The following RBM33 variants were observed in gnomAD, a reference collection of about 807,000 sequenced individuals.
RBM33 encodes RNA binding motif protein 33.
Under a neutral mutation model 132.6 loss-of-function variants are expected in RBM33, and 28 were observed. The ratio of observed to expected loss-of-function variants is 0.21; its 90% CI spans 0.16 to 0.29. The LOEUF is 0.29. Ranked by LOEUF, RBM33 falls within the 10% of genes least tolerant of loss-of-function variation. The pLI, the probability that RBM33 is intolerant of heterozygous loss-of-function variation, is 1.00. For missense variants in RBM33, 1,291 were observed against 1,518.5 expected (o/e 0.85, Z 2.49); for synonymous variants, 634 against 593.0 (o/e 1.07, Z -1.01).
At chr7:155,650,536 A>G (rs1163524099) in intron 1 of RBM33, among the ~76,000 whole-genome samples, 1 of 150,450 alleles carries the variant, frequency 6.6e-6, no homozygotes, top group Admixed American at 6.6e-5. Flanking sequence ...CATAAGGGAG[A>G]CTGACTTACT....
chr7:155,742,718 G>T (rs1346302696), intron 13 of RBM33, among the ~76,000 whole-genome samples: 2 of 152,224 alleles, frequency 1.3e-5, no homozygotes, highest in Non-Finnish European at 2.9e-5. Flanking sequence ...TGTTGCTGTT[G>T]TTCCTAATTT....
chr7:155,673,945 T>TGTTTTTTTTTTTTTG (rs1563138321), intron 3 of RBM33, among the ~76,000 whole-genome samples: 1 of 88,482 alleles, frequency 1.1e-5, no homozygotes, highest in Non-Finnish European at 2.2e-5. Flanking sequence ...GCTTAGTTTT[T>TGTTTTTTTTTTTTTG]TTTTTTTTTT....
In RBM33 at chr7:155,745,524, C is replaced by T. The variant is rs201397408; in HGVS notation, c.2901C>T (p.Val967=). 5 of 1,612,694 alleles carry T rather than the reference C, an allele frequency of 3.1e-6. No homozygotes were observed. The highest frequency in any genetic ancestry group is 3.4e-6 in the Non-Finnish European group (4 of 1,179,444). ...CAAAGCCTGGCGTGAAAAGGACTGT[C>T]ACGCACAGGACAAACAGTGGTGGTG... is the stretch of plus-strand genomic sequence containing the variant. ...QDTKPGVKRT[V]THRTNSGGGD... Residue 967 remains valine, a synonymous_variant, in exon 14 of 18, where the codon GTC becomes GTT. Coordinates refer to ENST00000401878, the MANE Select transcript of RBM33 (RefSeq NM_053043.3). This position sits in a 1 kb window ranked among gnomAD's most constrained non-coding sequence, Gnocchi z 4.1.
chr7:155,676,651 G>T (rs577508178), intron 3 of RBM33, among the ~76,000 whole-genome samples: 1 of 152,152 alleles, frequency 6.6e-6, no homozygotes, highest in Non-Finnish European at 1.5e-5. Flanking sequence ...CATCTCTTGG[G>T]ATCTGTGGCC....
chr7:155,727,169 A>T (rs1255664299), intron 9 of RBM33, among the ~76,000 whole-genome samples: 1 of 152,110 alleles, frequency 6.6e-6, no homozygotes, highest in Non-Finnish European at 1.5e-5. Context: ...TTTTCCATCT[A>T]CCCATCACCT....
At chr7:155,741,361 T>C (rs1362054260) in intron 12 of RBM33, among the ~76,000 whole-genome samples, 1 of 152,226 alleles carries the variant, frequency 6.6e-6, no homozygotes, top group South Asian at 2.1e-4. Context: ...CCGGGGGTCA[T>C]GTTTCTTAGG....
At chr7:155,741,514 C>T (rs954344829) in intron 12 of RBM33, among the ~76,000 whole-genome samples, 15 of 152,126 alleles carry the variant, frequency 9.9e-5, no homozygotes, top group Non-Finnish European at 2.1e-4. Flanking sequence ...AACTGTCAGT[C>T]CCTTTACTGA....
intron 14 of RBM33, among the ~76,000 whole-genome samples, chr7:155,753,547 G>A (rs13222019): frequency 0.18 from 26,744 of 152,148 alleles, 2,405 homozygotes; most frequent in East Asian, 0.28. Context: ...TGGATGAGTA[G>A]CAGAGCTAAG....
At chr7:155,686,046 G>A (rs1042900894) in intron 5 of RBM33, among the ~76,000 whole-genome samples, 3 of 152,086 alleles carry the variant, frequency 2.0e-5, no homozygotes, top group African/African-American at 2.4e-5. Context: ...AACTAAATTT[G>A]ATTTTGTGTG....
Position 155,673,940 on chromosome 7 carries a change from G to GTTGTTGTTTTTTTTTTGTTTTTTTTTTTT in RBM33, c.171+1027_171+1028insGTTGTTTTTTTTTTGTTTTTTTTTTTTTT. ...TCATTATCAAGATAGTTTAGGCTTA[G>GTTGTTGTTTTTTTTTTGTTTTTTTTTTTT]TTTTTTTTTTTTTTTTTTTTTTTTT... On this transcript the variant is annotated intron_variant, in intron 3 of 17. Coordinates refer to ENST00000401878, the MANE Select transcript of RBM33 (RefSeq NM_053043.3). 4.8e-4 allele frequency among the ~76,000 whole-genome samples: 26 copies of GTTGTTGTTTTTTTTTTGTTTTTTTTTTTT among 54,196 alleles called. 2 individuals are homozygous for GTTGTTGTTTTTTTTTTGTTTTTTTTTTTT. Among genetic ancestry groups the GTTGTTGTTTTTTTTTTGTTTTTTTTTTTT allele is most frequent in the African/African-American group, 2.0e-3 (24 of 12,126 alleles). 35.6% of individuals were successfully genotyped at this position (54,196 alleles called of 152,430 possible). A position where few individuals can be genotyped will look rare whatever the true frequency, so the allele number is the denominator to read the frequency against.
At position 155,778,161 on chromosome 7, in the gene RBM33, C is replaced by A. The variant is rs1044226075; in HGVS notation, c.*3120C>A. 6.6e-6 allele frequency: 1 copy of A among 152,628 alleles called. No individual in the cohort carries two copies. The highest frequency in any genetic ancestry group is 2.4e-5 in the African/African-American group (1 of 41,450). 9.5% of individuals were successfully genotyped at this position (152,628 alleles called of 1,614,324 possible). On this transcript the variant is annotated 3_prime_UTR_variant, in exon 18 of 18. Transcript: ENST00000401878. This position sits in a 1 kb window ranked among gnomAD's most constrained non-coding sequence, Gnocchi z 4.0. Reference sequence around the variant, plus strand: ...GCCTCCGTAGGCACCCGCACCCTGCCTTGCTGGAGGAGATGGGATGGGGCG... The same window carrying A: ...GCCTCCGTAGGCACCCGCACCCTGCATTGCTGGAGGAGATGGGATGGGGCG...
intron 6 of RBM33, among the ~76,000 whole-genome samples, chr7:155,702,523 AT>A (rs1251384844): frequency 1.3e-5 from 2 of 152,244 alleles, no homozygotes; most frequent in African/African-American, 2.4e-5. Context: ...TAGGTGAAAG[AT>A]GGAGCGAAGG....
At chr7:155,766,434 A>G in intron 15 of RBM33, 33 bp from the exon 16 acceptor site, 2 of 1,608,872 alleles carry the variant, frequency 1.2e-6, no homozygotes, top group Non-Finnish European at 1.7e-6. Context: ...CTCAGGCTTG[A>G]AACTCTGAAT....
At position 155,776,158 on chromosome 7, in the gene RBM33, A is replaced by G. The variant is rs931347950; in HGVS notation, c.*1117A>G. 2 of 152,634 alleles carry G rather than the reference A, an allele frequency of 1.3e-5. No individual in the cohort carries two copies. The highest frequency in any genetic ancestry group is 2.9e-5 in the Non-Finnish European group (2 of 68,032). 9.5% of individuals were successfully genotyped at this position (152,634 alleles called of 1,614,324 possible). A position where few individuals can be genotyped will look rare whatever the true frequency, so the allele number is the denominator to read the frequency against. On this transcript the variant is annotated 3_prime_UTR_variant, in exon 18 of 18. Transcript: ENST00000401878. The surrounding 1 kb of genome is among the most constrained non-coding windows in gnomAD (Gnocchi z 4.0). ...GGTGAGACATATTCTCCATAAAGCT[A>G]CTGTAGTAGAATTCATTCTGGGCAA...
intron 3 of RBM33, among the ~76,000 whole-genome samples, chr7:155,673,300 C>G (rs142509569): frequency 0.016 from 2,460 of 151,848 alleles, 57 homozygotes; most frequent in African/African-American, 0.055. Context: ...TAAACATACT[C>G]AAATATAATA....
rs1355424613 is a variant in RBM33 at position 155,775,453 on chromosome 7, T to C, written c.*412T>C. The stretch of plus-strand genomic sequence containing the variant: ...GAATATTTGATAATGGTTGCACTTA[T>C]CTTCAGTGCAGGTTAGAAGAGTCTT... On this transcript the variant is annotated 3_prime_UTR_variant, in exon 18 of 18. Transcript: ENST00000401878. The C allele has an allele frequency of 1.6e-5, 5 of 308,776 alleles. No individual in the cohort carries two copies. The highest frequency in any genetic ancestry group is 2.1e-5 in the African/African-American group (1 of 46,764). 19.1% of individuals were successfully genotyped at this position (308,776 alleles called of 1,614,324 possible). A position where few individuals can be genotyped will look rare whatever the true frequency, so the allele number is the denominator to read the frequency against.
intron 9 of RBM33, among the ~76,000 whole-genome samples, chr7:155,725,637 G>A (rs1315238343): frequency 1.3e-5 from 2 of 152,128 alleles, no homozygotes; most frequent in Non-Finnish European, 1.5e-5. Flanking sequence ...GGCCATGGCA[G>A]GGGTGAGGGT....
intron 16 of RBM33, among the ~76,000 whole-genome samples, chr7:155,767,524 G>A (rs1227115435): frequency 2.0e-5 from 3 of 152,360 alleles, no homozygotes; most frequent in East Asian, 3.9e-4. Context: ...GTTAACACTA[G>A]GGTTGATACG....
Position 155,735,418 on chromosome 7 carries a change from A to G in RBM33, c.1261-2112A>G, listed in dbSNP as rs115063342. Among the ~76,000 whole-genome samples the G allele has an allele frequency of 7.0e-3, 1,068 of 152,336 alleles. 18 individuals are homozygous for G. The highest frequency in any genetic ancestry group is 0.024 in the African/African-American group (1,004 of 41,564). On this transcript the variant is annotated intron_variant, in intron 9 of 17. Coordinates refer to ENST00000401878, the MANE Select transcript of RBM33 (RefSeq NM_053043.3). ...AAGTAAAGATATTAAATATTCAAGA[A>G]TATTGGCCAGGTGTTGTGGCTCATG...
Sources: allele counts gnomAD v4.1 joint callset (sites outside exome capture counted in the v4.1 genomes callset), GRCh38; gene constraint gnomAD v4.1.1; non-coding constraint Gnocchi (gnomAD v3.1); transcripts MANE v1.5; gene names NCBI Gene and HGNC (gene_info 2026-07-23, HGNC 2026-07-21).